Variants in CEMIP observed in about 807,000 individuals in gnomAD.
The protein encoded by CEMIP is cell migration inducing hyaluronidase 1.
Under a neutral mutation model 156.9 loss-of-function variants are expected in CEMIP, and 105 were observed. The ratio of observed to expected loss-of-function variants is 0.67; its 90% CI spans 0.57 to 0.79. The LOEUF (loss-of-function observed/expected upper bound fraction) is 0.79, where lower values mean the gene tolerates loss of function less well. CEMIP is among the 30% of genes least tolerant of loss of function. The pLI, the probability that CEMIP is intolerant of heterozygous loss-of-function variation, is 0.00. For missense variants in CEMIP, 1,457 were observed against 1,769.4 expected (o/e 0.82, Z 3.17); for synonymous variants, 676 against 668.4 (o/e 1.01, Z -0.17).
chr15:80,895,773 T>G, intron 11 of CEMIP, 96 bp from the exon 12 acceptor site: 4 of 1,103,508 alleles, frequency 3.6e-6, no homozygotes, highest in Non-Finnish European at 5.5e-6. Flanking sequence ...AAACCTGGCA[T>G]TTAGTTATTT....
chr15:80,863,896 C>G (rs1898050602), intron 1 of CEMIP, among the ~76,000 whole-genome samples: 1 of 152,132 alleles, frequency 6.6e-6, no homozygotes, highest in South Asian at 2.1e-4. Context: ...GTAAACAAGG[C>G]CATATTTTAT....
At chr15:80,896,172 C>G in intron 12 of CEMIP, 112 bp downstream of exon 12, 1 of 1,084,318 alleles carries the variant, frequency 9.2e-7, no homozygotes, top group South Asian at 1.3e-5. Context: ...TGTAATAATG[C>G]TGCATAACAA....
At chr15:80,793,235 C>T (rs1014040453) in intron 1 of CEMIP, among the ~76,000 whole-genome samples, 3 of 152,206 alleles carry the variant, frequency 2.0e-5, no homozygotes, top group Admixed American at 2.0e-4. Context: ...CAATTATTTG[C>T]TTTCATTCAG....
intron 1 of CEMIP, 97 bp downstream of exon 1, chr15:80,779,711 G>A (rs933967267): frequency 1.3e-5 from 2 of 152,454 alleles, no homozygotes; most frequent in African/African-American, 4.8e-5. Flanking sequence ...CCCGGCACAG[G>A]GTAAACGTTA....
At chr15:80,861,377 G>C (rs1362812029) in intron 1 of CEMIP, among the ~76,000 whole-genome samples, 1 of 152,158 alleles carries the variant, frequency 6.6e-6, no homozygotes, top group African/African-American at 2.4e-5. Flanking sequence ...CCTTAACTTT[G>C]CACTGAAGGT....
At chr15:80,811,737 C>T (rs888118411) in intron 1 of CEMIP, among the ~76,000 whole-genome samples, 3 of 152,082 alleles carry the variant, frequency 2.0e-5, no homozygotes, top group Non-Finnish European at 4.4e-5. Flanking sequence ...TCTATGTCTT[C>T]GTAGAGATGG....
At chr15:80,881,177 A>T (rs758248461) in intron 6 of CEMIP, 41 bp downstream of exon 6, 1 of 1,549,112 alleles carries the variant, frequency 6.5e-7, no homozygotes, top group East Asian at 2.2e-5. Flanking sequence ...CATTCATTCA[A>T]AGTACACTTA....
At chr15:80,848,293 C>A (rs889721917) in intron 1 of CEMIP, among the ~76,000 whole-genome samples, 2 of 152,178 alleles carry the variant, frequency 1.3e-5, no homozygotes, top group Non-Finnish European at 1.5e-5. Flanking sequence ...AGGGAAGCCA[C>A]TCACGCTCCA....
chr15:80,875,377 T>C lies in CEMIP; in HGVS notation c.94+1404T>C, dbSNP rs1235940666. 3.3e-5 allele frequency among the ~76,000 whole-genome samples: 5 copies of C among 152,128 alleles called. No individual in the cohort carries two copies. In the East Asian group the frequency reaches 9.7e-4, roughly 29 times the overall value. Reference sequence around the variant, plus strand: ...CCCTCCAGGCAATAATTGGCTATATTACCTGAATTTATTCATTTGTCTTTC... The same window carrying C: ...CCCTCCAGGCAATAATTGGCTATATCACCTGAATTTATTCATTTGTCTTTC... On this transcript the variant is annotated intron_variant, in intron 3 of 29. Transcript: ENST00000394685.
At chr15:80,895,302 G>C (rs1488894536) in intron 11 of CEMIP, among the ~76,000 whole-genome samples, 180 bp downstream of exon 11, 3 of 152,202 alleles carry the variant, frequency 2.0e-5, no homozygotes, top group Non-Finnish European at 2.9e-5. Flanking sequence ...ACCCCACCCT[G>C]CCCATAAGCC....
At position 80,925,642 on chromosome 15, in the gene CEMIP, C is replaced by T. The variant is rs148764052; in HGVS notation, c.2307C>T (p.Asp769=). The change falls in exon 19 of 30, where the codon GAC becomes GAT. Residue 769 remains aspartate (D), a synonymous_variant. Coordinates refer to ENST00000394685, the MANE Select transcript of CEMIP (RefSeq NM_001293298.2). ...IISARYSPHQ[D]ADPLKPREPA... Reference sequence around the variant, plus strand: ...GCTGCAGATACAGCCCTCACCAGGACGCCGACCCGCTGAAGCCCCGGGAGC... The same window carrying T: ...GCTGCAGATACAGCCCTCACCAGGATGCCGACCCGCTGAAGCCCCGGGAGC... 1.2e-4 allele frequency: 191 copies of T among 1,613,040 alleles called. No individual in the cohort carries two copies. Among genetic ancestry groups the T allele is most frequent in the Non-Finnish European group, 1.4e-4 (167 of 1,179,958 alleles).
At chr15:80,856,025 T>TG (rs1897845393) in intron 1 of CEMIP, among the ~76,000 whole-genome samples, 1 of 152,238 alleles carries the variant, frequency 6.6e-6, no homozygotes, top group South Asian at 2.1e-4. Context: ...GTCTACATAC[T>TG]GGATCATTCC....
chr15:80,870,104 C>T (rs1898239207), intron 1 of CEMIP, among the ~76,000 whole-genome samples: 1 of 152,206 alleles, frequency 6.6e-6, no homozygotes, highest in Admixed American at 6.5e-5. Flanking sequence ...GGCCAGGTGG[C>T]ACCCTCCATG....
intron 9 of CEMIP, 105 bp from the exon 10 acceptor site, chr15:80,889,366 A>G (rs1898958428): frequency 6.6e-7 from 1 of 1,510,046 alleles, no homozygotes; most frequent in East Asian, 2.3e-5. Flanking sequence ...ATGGACAGAT[A>G]ATATTCAGTT....
At chr15:80,813,350 AT>A (rs34253400) in intron 1 of CEMIP, among the ~76,000 whole-genome samples, 27,500 of 129,332 alleles carry the variant, frequency 0.21, 2,797 homozygotes, top group East Asian at 0.38. Flanking sequence ...AGCAGTACGG[AT>A]TTTTTTTTTT....
chr15:80,817,641 T>TA (rs1896818524), intron 1 of CEMIP, among the ~76,000 whole-genome samples: 1 of 144,170 alleles, frequency 6.9e-6, no homozygotes, highest in Admixed American at 7.0e-5. Context: ...ATAATAATAA[T>TA]ATGTAAGTAG....
intron 1 of CEMIP, among the ~76,000 whole-genome samples, chr15:80,804,750 C>G (rs912779358): frequency 1.3e-5 from 2 of 152,138 alleles, no homozygotes; most frequent in African/African-American, 4.8e-5. Context: ...AACTCATCTT[C>G]TTTGTATGAT....
In CEMIP at chr15:80,829,990, G is replaced by GTGTGTGTT. The variant is rs1555428891; in HGVS notation, c.-175-43541_-175-43540insTTGTGTGT. 3.1e-3 allele frequency among the ~76,000 whole-genome samples: 459 copies of GTGTGTGTT among 149,278 alleles called. 7 individuals carry two copies. The East Asian group carries it at 0.038, about 12-fold the overall frequency. ...GGTGTGTGTGTGTGTGTGTGTGTGT[G>GTGTGTGTT]TGTGTGTGTGTGCGCGCATGTCCTT... On this transcript the variant is annotated intron_variant, in intron 1 of 29. Transcript: ENST00000394685.
Position 80,787,686 on chromosome 15 carries a change from T to C in CEMIP, c.-176+8072T>C, listed in dbSNP as rs1256657839. Among the ~76,000 whole-genome samples, 5 of 152,208 alleles carry C rather than the reference T, an allele frequency of 3.3e-5. No individual in the cohort carries two copies. In the East Asian group the frequency reaches 9.6e-4, roughly 29 times the overall value. On this transcript the variant is annotated intron_variant, in intron 1 of 29. Coordinates refer to ENST00000394685, the MANE Select transcript of CEMIP (RefSeq NM_001293298.2). ...TGGATCCTTGGTTGCGCTGATCTCT[T>C]AGCACTGGTAGCCACAGATGCCGGT... is the stretch of plus-strand genomic sequence containing the variant.
Sources: gnomAD v4.1 joint callset for allele counts (sites outside exome capture counted in the v4.1 genomes callset) on GRCh38, gnomAD v4.1.1 for gene constraint, MANE v1.5 for transcripts, NCBI Gene and HGNC (gene_info 2026-07-23, HGNC 2026-07-21) for gene names.